The following IQCH variants were observed in gnomAD, a reference collection of about 807,000 sequenced individuals.
IQCH encodes IQ motif containing H, also known as IQ domain-containing protein H.
Under a neutral mutation model 117.0 loss-of-function variants are expected in IQCH, and 98 were observed. That is an observed-to-expected ratio of 0.84 (90% CI 0.71 to 0.99). IQCH has a LOEUF of 0.99. IQCH is among the 50% of genes least tolerant of loss of function. The pLI, the probability that IQCH is intolerant of heterozygous loss-of-function variation, is 0.00. For missense variants in IQCH, 1,102 were observed against 1,243.8 expected (o/e 0.89, Z 1.72); for synonymous variants, 412 against 448.2 (o/e 0.92, Z 1.02).
rs1429408430 is a variant in IQCH at position 67,453,168 on chromosome 15, G to A, written c.2506-11959G>A. 1.1e-4 allele frequency among the ~76,000 whole-genome samples: 17 copies of A among 152,106 alleles called. No individual in the cohort carries two copies. Among genetic ancestry groups the A allele is most frequent in the African/African-American group, 3.1e-4 (13 of 41,484 alleles). On this transcript the variant is annotated intron_variant, in intron 16 of 20. Coordinates refer to ENST00000335894, the MANE Select transcript of IQCH (RefSeq NM_001031715.3). The surrounding 1 kb of genome is among the most constrained non-coding windows in gnomAD (Gnocchi z 5.8). Reference sequence around the variant, plus strand: ...CTTTTAACTTCTTTGCCATTGGTTCGAATTTCCTCCTGTAGCTCAGAGTAG... The same window carrying A: ...CTTTTAACTTCTTTGCCATTGGTTCAAATTTCCTCCTGTAGCTCAGAGTAG...
chr15:67,349,173 G>A (rs1361845315), intron 6 of IQCH, among the ~76,000 whole-genome samples: 1 of 152,162 alleles, frequency 6.6e-6, no homozygotes, highest in African/African-American at 2.4e-5. Flanking sequence ...GAAAACAAAG[G>A]GGAAAATTTT....
intron 4 of IQCH, 25 bp downstream of exon 4, chr15:67,279,537 A>G: frequency 7.2e-7 from 1 of 1,382,252 alleles, no homozygotes; most frequent in South Asian, 1.2e-5. Flanking sequence ...ATTCATAGAG[A>G]CAGAAAGTAG....
At chr15:67,315,348 G>T (rs1273791489) in intron 4 of IQCH, among the ~76,000 whole-genome samples, 1 of 152,132 alleles carries the variant, frequency 6.6e-6, no homozygotes, top group Non-Finnish European at 1.5e-5. Flanking sequence ...GCACCCATAT[G>T]TGAAGCTACA....
At chr15:67,429,536 CAT>C (rs907596322) in intron 16 of IQCH, among the ~76,000 whole-genome samples, 9 of 152,154 alleles carry the variant, frequency 5.9e-5, no homozygotes, top group Non-Finnish European at 1.2e-4. Flanking sequence ...AAAAAGCAAA[CAT>C]GTATTATATT....
chr15:67,367,602 AGGTT>A (rs1346982513), intron 8 of IQCH, among the ~76,000 whole-genome samples: 1 of 152,152 alleles, frequency 6.6e-6, no homozygotes, highest in Non-Finnish European at 1.5e-5. Context: ...GATCAAGGCC[AGGTT>A]GGCTCTGATG....
chr15:67,378,284 T>C (rs926561179), intron 10 of IQCH, among the ~76,000 whole-genome samples: 1 of 151,946 alleles, frequency 6.6e-6, no homozygotes, highest in Admixed American at 6.6e-5. Context: ...AGTCACCTGA[T>C]ACCCAGTTCA....
rs1277302495 is a variant in IQCH, at chr15:67,425,946, T to C, written c.2505+4369T>C. ...TTTAATGGGTTGTATTTTGATACTT[T>C]CATTGTTTTGATGCTCAGTTGTTCC... On this transcript the variant is annotated intron_variant, in intron 16 of 20. Transcript: ENST00000335894. This position sits in a 1 kb window ranked among gnomAD's most constrained non-coding sequence, Gnocchi z 5.5. 2.6e-5 allele frequency among the ~76,000 whole-genome samples: 4 copies of C among 152,248 alleles called. No homozygotes were observed. Among genetic ancestry groups the C allele is most frequent in the Non-Finnish European group, 4.4e-5 (3 of 68,044 alleles).
At chr15:67,354,015 G>C (rs187660055) in intron 6 of IQCH, among the ~76,000 whole-genome samples, 7 of 152,084 alleles carry the variant, frequency 4.6e-5, no homozygotes, top group East Asian at 3.9e-4. Flanking sequence ...AGGGGAGAAG[G>C]CCTCAGGCCT....
chr15:67,433,045 G>A lies in IQCH; in HGVS notation c.2505+11468G>A, dbSNP rs2082051124. Among the ~76,000 whole-genome samples, 2 of 152,128 alleles carry A rather than the reference G, an allele frequency of 1.3e-5. No homozygotes were observed. The highest frequency in any genetic ancestry group is 3.8e-4 in the East Asian group (2 of 5,198). ...GTATATCTAAATTAAAATGTAATAC[G>A]CCTTTGGTATTAACAGAAGTACCTA... On this transcript the variant is annotated intron_variant, in intron 16 of 20. Transcript: ENST00000335894. The surrounding 1 kb of genome is among the most constrained non-coding windows in gnomAD (Gnocchi z 5.4).
chr15:67,373,614 A>T (rs1189614483), intron 10 of IQCH, 181 bp downstream of exon 10: 2 of 673,526 alleles, frequency 3.0e-6, no homozygotes, highest in East Asian at 5.4e-5. Context: ...TAATTTGGGG[A>T]TTAAGCAAAT....
Position 67,408,745 on chromosome 15 carries a change from A to C in IQCH, c.2098-8186A>C, listed in dbSNP as rs189919585. On this transcript the variant is annotated intron_variant, in intron 14 of 20. Transcript: ENST00000335894. The surrounding 1 kb of genome is among the most constrained non-coding windows in gnomAD (Gnocchi z 4.2). ...TTCCTTTTGTTTTTAATTTTCAATT[A>C]AAGAGCTTTCATCAGCATATGCAAT... Among the ~76,000 whole-genome samples the C allele has an allele frequency of 6.6e-6, 1 of 152,232 alleles. No individual in the cohort carries two copies. Among genetic ancestry groups the C allele is most frequent in the Admixed American group, 6.5e-5 (1 of 15,276 alleles).
chr15:67,494,226 G>C lies in IQCH; in HGVS notation c.2862-32G>C. 6.6e-7 allele frequency: 1 copy of C among 1,507,224 alleles called. No individual in the cohort carries two copies. Among genetic ancestry groups the C allele is most frequent in the Non-Finnish European group, 9.1e-7 (1 of 1,103,000 alleles). 93.4% of individuals were successfully genotyped at this position (1,507,224 alleles called of 1,614,324 possible). A position where few individuals can be genotyped will look rare whatever the true frequency, so the allele number is the denominator to read the frequency against. On this transcript the variant is annotated intron_variant, in intron 19 of 20. Coordinates refer to ENST00000335894, the MANE Select transcript of IQCH (RefSeq NM_001031715.3). This position sits in a 1 kb window ranked among gnomAD's most constrained non-coding sequence, Gnocchi z 5.5. ...TTTTAAGCATGTGAAGGGAATCGTT[G>C]GTAAACTCATTTGTTTGGATATCAT...
intron 4 of IQCH, among the ~76,000 whole-genome samples, chr15:67,329,231 C>G (rs543304878): frequency 6.0e-5 from 9 of 150,424 alleles, no homozygotes; most frequent in Admixed American, 1.3e-4. Context: ...CCCAGGAGGT[C>G]GAGGCTGTAG....
At chr15:67,419,475 G>A (rs1023233168) in intron 15 of IQCH, among the ~76,000 whole-genome samples, 1 of 152,098 alleles carries the variant, frequency 6.6e-6, no homozygotes, top group Non-Finnish European at 1.5e-5. Context: ...GTTCTCTCCA[G>A]TGTGCTTATG....
rs2081997334 is a variant in IQCH at position 67,430,505 on chromosome 15, T to C, written c.2505+8928T>C. 6.6e-6 allele frequency: 1 copy of C among 152,234 alleles called. No individual in the cohort carries two copies. Among genetic ancestry groups the C allele is most frequent in the Non-Finnish European group, 1.5e-5 (1 of 68,048 alleles). The allele number at this position is 152,234 out of a possible 1,614,324, so 9.4% of individuals were successfully genotyped here. On this transcript the variant is annotated intron_variant, in intron 16 of 20. Coordinates refer to ENST00000335894, the MANE Select transcript of IQCH (RefSeq NM_001031715.3). The surrounding 1 kb of genome is among the most constrained non-coding windows in gnomAD (Gnocchi z 5.1). Reference sequence around the variant, plus strand: ...TGCACACAATTGTTTTATACTTGTATTGATTCATAGGTATAAATATTGCCT... The same window carrying C: ...TGCACACAATTGTTTTATACTTGTACTGATTCATAGGTATAAATATTGCCT...
intron 4 of IQCH, among the ~76,000 whole-genome samples, chr15:67,287,512 C>A (rs1005736955): frequency 1.3e-5 from 2 of 152,102 alleles, no homozygotes; most frequent in African/African-American, 4.8e-5. Context: ...GTGTATATGT[C>A]TAGAAATTTA....
At chr15:67,256,072 C>G (rs903767984) in intron 1 of IQCH, among the ~76,000 whole-genome samples, 1 of 152,168 alleles carries the variant, frequency 6.6e-6, no homozygotes, top group Non-Finnish European at 1.5e-5. Flanking sequence ...CATCACCACC[C>G]TCACATTCAA....
At chr15:67,464,211 T>C (rs568254004) in intron 16 of IQCH, among the ~76,000 whole-genome samples, 4 of 152,306 alleles carry the variant, frequency 2.6e-5, no homozygotes, top group South Asian at 4.1e-4. Context: ...GCCTTGAACA[T>C]TGAACTGAGG....
intron 18 of IQCH, among the ~76,000 whole-genome samples, chr15:67,487,512 C>T (rs1289948285): frequency 6.6e-6 from 1 of 151,700 alleles, no homozygotes; most frequent in Admixed American, 6.6e-5. Flanking sequence ...ATCAAAATTA[C>T]TGCAAAAAAT....
Sources: gnomAD v4.1 joint callset for allele counts (sites outside exome capture counted in the v4.1 genomes callset) on GRCh38, gnomAD v4.1.1 for gene constraint, Gnocchi (gnomAD v3.1) non-coding constraint, MANE v1.5 for transcripts, NCBI Gene and HGNC (gene_info 2026-07-23, HGNC 2026-07-21) for gene names.